GRID2: variants seen among roughly 807,000 people sequenced by gnomAD.
GRID2 encodes the protein glutamate ionotropic receptor delta type subunit 2.
A neutral mutation model predicts 114.8 loss-of-function variants in GRID2; 33 were observed. The ratio of observed to expected loss-of-function variants is 0.29; its 90% confidence interval spans 0.22 to 0.38. The LOEUF (loss-of-function observed/expected upper bound fraction) is 0.38, where lower values mean the gene tolerates loss of function less well. Among genes scored for constraint, GRID2 ranks in the 10% least tolerant of loss-of-function variants. The pLI is 1.00. For missense variants in GRID2, 1,184 were observed against 1,257.7 expected (o/e 0.94, Z 0.89); for synonymous variants, 505 against 449.9 (o/e 1.12, Z -1.55).
Position 93,314,518 on chromosome 4 carries a change from C to A in GRID2, c.1245+76028C>A, listed in dbSNP as rs991191801. On this transcript the variant is annotated intron_variant, in intron 8 of 15. Coordinates refer to ENST00000282020, the MANE Select transcript of GRID2 (RefSeq NM_001510.4). Reference sequence around the variant, plus strand: ...TCTCTTTACAATTTCATCTAAAGACCTTTGCCTGAAATGTTCTCCCAGGCA... The same window carrying A: ...TCTCTTTACAATTTCATCTAAAGACATTTGCCTGAAATGTTCTCCCAGGCA... 5.3e-5 allele frequency among the ~76,000 whole-genome samples: 8 copies of A among 152,018 alleles called. No individual in the cohort carries two copies. In the South Asian group the frequency reaches 1.5e-3, roughly 28 times the overall value.
intron 8 of GRID2, among the ~76,000 whole-genome samples, chr4:93,354,667 C>T (rs1761136845): frequency 8.8e-6 from 1 of 114,090 alleles, no homozygotes; most frequent in African/African-American, 3.6e-5. Context: ...TGGGGTGGCT[C>T]ATCCGTGTGT....
intron 2 of GRID2, among the ~76,000 whole-genome samples, chr4:92,999,633 C>T (rs1484973599): frequency 6.6e-6 from 1 of 151,638 alleles, no homozygotes; most frequent in Non-Finnish European, 1.5e-5. Context: ...AGTTATAAAT[C>T]TATTCCTTTA....
chr4:92,907,000 G>T (rs570979680), intron 2 of GRID2, among the ~76,000 whole-genome samples: 18 of 152,154 alleles, frequency 1.2e-4, no homozygotes, highest in African/African-American at 4.1e-4. Context: ...TGTTTCATAG[G>T]TACATAAAAG....
At chr4:93,293,076 A>T (rs1009143562) in intron 8 of GRID2, among the ~76,000 whole-genome samples, 1 of 152,184 alleles carries the variant, frequency 6.6e-6, no homozygotes, top group Non-Finnish European at 1.5e-5. Context: ...TGCACCCCTG[A>T]GTACAATCAG....
chr4:93,380,084 C>A (rs139018843), intron 8 of GRID2, among the ~76,000 whole-genome samples: 3 of 151,926 alleles, frequency 2.0e-5, no homozygotes, highest in African/African-American at 7.2e-5. Context: ...TAAATGTGAT[C>A]AAATAGGGAA....
At chr4:93,190,677 G>A (rs1158578494) in intron 4 of GRID2, among the ~76,000 whole-genome samples, 1 of 152,076 alleles carries the variant, frequency 6.6e-6, no homozygotes, top group East Asian at 1.9e-4. Context: ...TATTAGGACA[G>A]AGAGAAAATA....
intron 10 of GRID2, among the ~76,000 whole-genome samples, chr4:93,439,287 T>C (rs1295378147): frequency 1.3e-5 from 2 of 151,950 alleles, no homozygotes; most frequent in Admixed American, 1.3e-4. Flanking sequence ...GGCATAATAA[T>C]AGAAATTGAT....
intron 2 of GRID2, among the ~76,000 whole-genome samples, chr4:92,860,396 CAG>C (rs1744451842): frequency 6.6e-6 from 1 of 152,070 alleles, no homozygotes; most frequent in African/African-American, 2.4e-5. Flanking sequence ...ACTTTGTACT[CAG>C]AGCTTGGATT....
chr4:92,682,817 C>A (rs912687341), intron 2 of GRID2, among the ~76,000 whole-genome samples: 1 of 151,978 alleles, frequency 6.6e-6, no homozygotes, highest in Admixed American at 6.6e-5. Flanking sequence ...ATCCTTATGT[C>A]ACTAAAATTT....
intron 14 of GRID2, among the ~76,000 whole-genome samples, chr4:93,627,076 A>G (rs1250737748): frequency 1.3e-5 from 2 of 152,232 alleles, no homozygotes; most frequent in Non-Finnish European, 2.9e-5. Flanking sequence ...TTAACAATGC[A>G]TATGAAAGAC....
At chr4:93,727,796 G>C (rs1730077547) in intron 14 of GRID2, among the ~76,000 whole-genome samples, 1 of 152,204 alleles carries the variant, frequency 6.6e-6, no homozygotes. Context: ...AGTATTCTCT[G>C]ATGGTAGTTT....
At chr4:92,746,882 C>T (rs1315529085) in intron 2 of GRID2, among the ~76,000 whole-genome samples, 1 of 152,046 alleles carries the variant, frequency 6.6e-6, no homozygotes, top group Non-Finnish European at 1.5e-5. Flanking sequence ...ACCCATCGGG[C>T]CTATGCACAC....
chr4:93,076,095 G>A (rs1729267434), intron 2 of GRID2, among the ~76,000 whole-genome samples: 2 of 151,800 alleles, frequency 1.3e-5, no homozygotes. Context: ...GTAGAGACGG[G>A]TTTCACCGTG....
intron 1 of GRID2, among the ~76,000 whole-genome samples, chr4:92,305,738 CG>C (rs1333044926): frequency 6.6e-6 from 1 of 152,130 alleles, no homozygotes; most frequent in East Asian, 1.9e-4. Flanking sequence ...GCACAGCGCT[CG>C]CAGCTTCAGG....
At chr4:92,901,350 C>G (rs1747570410) in intron 2 of GRID2, among the ~76,000 whole-genome samples, 1 of 151,998 alleles carries the variant, frequency 6.6e-6, no homozygotes, top group Admixed American at 6.6e-5. Context: ...TTTTCATATG[C>G]TTGTTGTTGC....
At chr4:93,708,860 G>A (rs942311484) in intron 14 of GRID2, among the ~76,000 whole-genome samples, 2 of 150,392 alleles carry the variant, frequency 1.3e-5, no homozygotes, top group Non-Finnish European at 1.5e-5. Context: ...TTCTGTATCT[G>A]TTACAGAGTT....
chr4:93,320,756 T>C (rs1485169265), intron 8 of GRID2, among the ~76,000 whole-genome samples: 4 of 152,036 alleles, frequency 2.6e-5, no homozygotes, highest in Non-Finnish European at 4.4e-5. Flanking sequence ...AGTCAAACAA[T>C]AGAAGGTGCC....
At chr4:93,444,250 A>G (rs1297042771) in intron 10 of GRID2, among the ~76,000 whole-genome samples, 1 of 151,996 alleles carries the variant, frequency 6.6e-6, no homozygotes, top group African/African-American at 2.4e-5. Context: ...GCTGGAAGAT[A>G]AAAGCTGGTT....
intron 2 of GRID2, among the ~76,000 whole-genome samples, chr4:92,951,409 C>T (rs1001433884): frequency 2.0e-5 from 3 of 151,748 alleles, no homozygotes; most frequent in African/African-American, 7.3e-5. Context: ...TGTGCAGTGG[C>T]GCAGTCACAC....
Sources: gnomAD v4.1 joint callset for allele counts (sites outside exome capture counted in the v4.1 genomes callset) on GRCh38, gnomAD v4.1.1 for gene constraint, MANE v1.5 for transcripts, NCBI Gene and HGNC (gene_info 2026-07-23, HGNC 2026-07-21) for gene names.